The following TAF4 variants were observed in gnomAD, a reference collection of about 807,000 sequenced individuals.
The protein encoded by TAF4 is TATA-box binding protein associated factor 4, also known as transcription initiation factor TFIID subunit 4.
A neutral mutation model predicts 90.3 loss-of-function variants in TAF4; 9 were observed. The observed-to-expected ratio is 0.10, with a 90% CI of 0.06 to 0.17. TAF4 has a LOEUF of 0.17. TAF4 is among the 10% of genes least tolerant of loss of function. The pLI, the probability that TAF4 is intolerant of heterozygous loss-of-function variation, is 1.00. For missense variants in TAF4, 1,351 were observed against 1,370.7 expected (o/e 0.99, Z 0.23); for synonymous variants, 818 against 638.9 (o/e 1.28, Z -4.23).
chr20:61,988,270 A>C (rs63661860), intron 14 of TAF4, among the ~76,000 whole-genome samples: 1 of 21,598 alleles, frequency 4.6e-5, no homozygotes, highest in African/African-American at 1.3e-4. Flanking sequence ...CACCCGGCCA[A>C]GCGGGGGAGG....
In TAF4 at chr20:62,031,027, G is replaced by A. The variant is rs758137010; in HGVS notation, c.1361-16320C>T. On this transcript the variant is annotated intron_variant, in intron 1 of 14. Coordinates refer to ENST00000252996, the MANE Select transcript of TAF4 (RefSeq NM_003185.4). ...AGGAAATGACTTGCACTTGGTCTCA[G>A]GCAGGTTTTTCTCCACGGCTTTAGG... Among the ~76,000 whole-genome samples, 7 of 152,312 alleles carry A rather than the reference G, an allele frequency of 4.6e-5. No individual in the cohort carries two copies. In the Middle Eastern group the frequency reaches 0.014, roughly 296 times the overall value.
chr20:62,020,816 AAG>A (rs758730875), intron 1 of TAF4, among the ~76,000 whole-genome samples: 1 of 152,246 alleles, frequency 6.6e-6, no homozygotes, highest in Admixed American at 6.5e-5. Flanking sequence ...AGTATAGAAA[AAG>A]AGAGTGGAAA....
intron 1 of TAF4, among the ~76,000 whole-genome samples, chr20:62,023,640 C>T (rs2055856517): frequency 6.8e-6 from 1 of 146,908 alleles, no homozygotes; most frequent in African/African-American, 2.5e-5. Context: ...CCCAGCTACT[C>T]GCCAGGCTGA....
At chr20:62,041,188 C>T (rs1321156181) in intron 1 of TAF4, among the ~76,000 whole-genome samples, 1 of 152,224 alleles carries the variant, frequency 6.6e-6, no homozygotes, top group African/African-American at 2.4e-5. Flanking sequence ...CAGCAGAGGG[C>T]ACAAGCAGAC....
chr20:62,008,448 G>A (rs199983692), intron 5 of TAF4, among the ~76,000 whole-genome samples: 1 of 151,500 alleles, frequency 6.6e-6, no homozygotes, highest in Non-Finnish European at 1.5e-5. Flanking sequence ...TGGAGCTTGG[G>A]ACTGTGGGTT....
chr20:61,994,569 C>G (rs1199223004), intron 14 of TAF4, among the ~76,000 whole-genome samples: 2 of 152,224 alleles, frequency 1.3e-5, no homozygotes, highest in Non-Finnish European at 2.9e-5. Context: ...TCTGTTACAC[C>G]TGGAGTCCCT....
In TAF4 at chr20:61,975,884, T is replaced by C; in HGVS notation, c.*284A>G. ...GAGTTGACAGAGGGCAGCTAATTAT[T>C]TGCTAACGATTCCATCAGTCTTTAT... On this transcript the variant is annotated 3_prime_UTR_variant, in exon 15 of 15. Coordinates refer to ENST00000252996, the MANE Select transcript of TAF4 (RefSeq NM_003185.4). The C allele has an allele frequency of 2.5e-6, 1 of 398,200 alleles. No homozygotes were observed. The highest frequency in any genetic ancestry group is 4.2e-5 in the South Asian group (1 of 23,704). 24.7% of individuals were successfully genotyped at this position (398,200 alleles called of 1,614,324 possible). A position where few individuals can be genotyped will look rare whatever the true frequency, so the allele number is the denominator to read the frequency against.
intron 2 of TAF4, 115 bp downstream of exon 2, chr20:62,014,432 C>T (rs536363467): frequency 1.5e-6 from 2 of 1,342,120 alleles, no homozygotes; most frequent in South Asian, 1.7e-5. Flanking sequence ...GCCGCCCACA[C>T]TTCCCAGTCC....
At chr20:61,976,546 G>C in intron 14 of TAF4, among the ~76,000 whole-genome samples, 1 of 152,224 alleles carries the variant, frequency 6.6e-6, no homozygotes, top group East Asian at 1.9e-4. Flanking sequence ...GCACCTTCAG[G>C]ACAGGGCACA....
intron 1 of TAF4, among the ~76,000 whole-genome samples, chr20:62,063,220 A>AC (rs1396507599): frequency 1.3e-5 from 2 of 152,278 alleles, no homozygotes; most frequent in African/African-American, 4.8e-5. Context: ...CCAGAGTCTG[A>AC]CCACCAGCCC....
chr20:62,008,068 C>T (rs1291661033), intron 5 of TAF4: 1 of 157,868 alleles, frequency 6.3e-6, no homozygotes, highest in African/African-American at 2.4e-5. Flanking sequence ...ACAGGATCCA[C>T]ACAGTCAGGG....
chr20:61,997,710 A>T, intron 13 of TAF4, 41 bp from the exon 14 acceptor site: 1 of 1,584,922 alleles, frequency 6.3e-7, no homozygotes, highest in African/African-American at 1.4e-5. Flanking sequence ...CATTTCTTGC[A>T]TGTTTTTTAC....
chr20:61,983,218 A>G (rs1335906059), intron 14 of TAF4, among the ~76,000 whole-genome samples: 1 of 151,998 alleles, frequency 6.6e-6, no homozygotes, highest in Non-Finnish European at 1.5e-5. Flanking sequence ...CCTGTGAGAC[A>G]GGAGACCAGG....
chr20:62,065,103 A>G lies in TAF4; in HGVS notation c.708T>C (p.Thr236=). The G allele has an allele frequency of 1.9e-6, 2 of 1,031,740 alleles. No homozygotes were observed. Among genetic ancestry groups the G allele is most frequent in the South Asian group, 4.8e-5 (2 of 41,908 alleles). 63.9% of individuals were successfully genotyped at this position (1,031,740 alleles called of 1,614,324 possible). ...LPLPKPAAPG[T]VIQTPPFVGA... is the part of the protein sequence containing the mutation. ...CCACGAAGGGGGGCGTCTGGATGAC[A>G]GTGCCGGGGGCGGCGGGCTTGGGCA... The change falls in exon 1 of 15, where the codon ACT becomes ACC. Residue 236 remains threonine, a synonymous_variant. Coordinates refer to ENST00000252996, the MANE Select transcript of TAF4 (RefSeq NM_003185.4).
chr20:62,029,147 G>T (rs1375704089), intron 1 of TAF4, among the ~76,000 whole-genome samples: 1 of 149,302 alleles, frequency 6.7e-6, no homozygotes, highest in East Asian at 2.0e-4. Flanking sequence ...AGTGACCCAA[G>T]ATCGCGCCAC....
At chr20:61,978,545 G>C (rs1379323175) in intron 14 of TAF4, among the ~76,000 whole-genome samples, 1 of 148,266 alleles carries the variant, frequency 6.7e-6, no homozygotes, top group Admixed American at 6.7e-5. Context: ...CCGGGGGCGA[G>C]ACCAACCAAA....
chr20:62,003,662 A>G, intron 8 of TAF4, 69 bp downstream of exon 8: 2 of 1,477,590 alleles, frequency 1.4e-6, no homozygotes, highest in East Asian at 2.5e-5. Context: ...ATTAAATAAA[A>G]GCCCAATGGC....
At chr20:62,034,827 C>CCTTTTTTTTTTTT (rs1555877006) in intron 1 of TAF4, among the ~76,000 whole-genome samples, 1 of 141,810 alleles carries the variant, frequency 7.1e-6, no homozygotes, top group Admixed American at 7.0e-5. Flanking sequence ...TCATAGATTT[C>CCTTTTTTTTTTTT]TTTTTTTTTT....
intron 14 of TAF4, among the ~76,000 whole-genome samples, chr20:61,993,954 T>C (rs1215437155): frequency 6.6e-6 from 1 of 152,126 alleles, no homozygotes; most frequent in African/African-American, 2.4e-5. Context: ...GGTTTCACCA[T>C]CTTGGCCAGG....
Sources: allele counts gnomAD v4.1 joint callset (sites outside exome capture counted in the v4.1 genomes callset), GRCh38; gene constraint gnomAD v4.1.1; transcripts MANE v1.5; gene names NCBI Gene and HGNC (gene_info 2026-07-23, HGNC 2026-07-21).